GPC6: variants seen among roughly 807,000 people sequenced by gnomAD.
The protein encoded by GPC6 is glypican-6.
A neutral mutation model predicts 55.2 loss-of-function variants in GPC6; 14 were observed. The observed-to-expected ratio is 0.25, with a 90% CI of 0.17 to 0.40. GPC6 has a LOEUF of 0.40. GPC6 is among the 10% of genes least tolerant of loss of function. GPC6 has a pLI of 1.00. For synonymous variants in GPC6, 278 were observed against 259.6 expected, an observed-to-expected ratio of 1.07 and a Z score of -0.68; for missense variants, 641 against 708.5, an observed-to-expected ratio of 0.90 and a Z score of 1.08.
intron 4 of GPC6, among the ~76,000 whole-genome samples, chr13:94,156,773 AACAG>A (rs1482501930): frequency 6.6e-6 from 1 of 152,174 alleles, no homozygotes; most frequent in East Asian, 1.9e-4. Flanking sequence ...GTTGCTTTGG[AACAG>A]ACATAAAATA....
At chr13:93,690,208 A>G (rs112872092) in intron 2 of GPC6, among the ~76,000 whole-genome samples, 1,548 of 152,184 alleles carry the variant, frequency 0.01, 41 homozygotes, top group African/African-American at 0.035. Flanking sequence ...GCTGAAGTCA[A>G]TTTTTGATGT....
intron 2 of GPC6, among the ~76,000 whole-genome samples, chr13:93,614,279 A>G (rs775876182): frequency 2.6e-5 from 4 of 152,228 alleles, no homozygotes; most frequent in Non-Finnish European, 5.9e-5. Flanking sequence ...GTATTATACC[A>G]TCAGAGAAGA....
At chr13:93,276,443 A>C (rs554324898) in intron 1 of GPC6, among the ~76,000 whole-genome samples, 2 of 149,672 alleles carry the variant, frequency 1.3e-5, no homozygotes, top group African/African-American at 2.5e-5. Flanking sequence ...GAAATGGCAG[A>C]AGCTCTGGCC....
chr13:93,285,388 C>T (rs1161528367), intron 1 of GPC6, among the ~76,000 whole-genome samples: 1 of 152,042 alleles, frequency 6.6e-6, no homozygotes, highest in Non-Finnish European at 1.5e-5. Context: ...ATCTTTACTA[C>T]CATGCCATAT....
intron 1 of GPC6, among the ~76,000 whole-genome samples, chr13:93,366,849 TA>T (rs1383963992): frequency 6.6e-6 from 1 of 152,106 alleles, no homozygotes; most frequent in African/African-American, 2.4e-5. Context: ...TTATTTGTAA[TA>T]AAATCAGGTA....
chr13:93,893,074 T>TC (rs1407827148), intron 3 of GPC6, among the ~76,000 whole-genome samples: 2 of 151,954 alleles, frequency 1.3e-5, no homozygotes, highest in African/African-American at 4.8e-5. Context: ...TTTTTTTTTT[T>TC]TTGAGATGGA....
intron 2 of GPC6, among the ~76,000 whole-genome samples, chr13:93,614,041 A>T (rs968385265): frequency 7.9e-5 from 12 of 152,172 alleles, no homozygotes; most frequent in Admixed American, 7.9e-4. Flanking sequence ...AATGCTGTAA[A>T]GCTGTCAGTC....
At chr13:93,418,929 T>G (rs368883686) in intron 1 of GPC6, among the ~76,000 whole-genome samples, 12 of 151,334 alleles carry the variant, frequency 7.9e-5, no homozygotes, top group African/African-American at 2.2e-4. Context: ...TTAATAGCAC[T>G]ATACCATAGT....
At chr13:93,380,259 G>C (rs546408956) in intron 1 of GPC6, among the ~76,000 whole-genome samples, 1 of 152,166 alleles carries the variant, frequency 6.6e-6, no homozygotes, top group African/African-American at 2.4e-5. Context: ...GACCAATAAA[G>C]ACAGAATTTG....
intron 4 of GPC6, among the ~76,000 whole-genome samples, chr13:94,045,760 A>C (rs1883710160): frequency 1.3e-5 from 2 of 151,720 alleles, no homozygotes; most frequent in Admixed American, 1.3e-4. Flanking sequence ...AAAAAAAAAA[A>C]ATGCCCTACC....
At position 94,251,618 on chromosome 13, in the gene GPC6, G is replaced by A. The variant is rs34538424; in HGVS notation, c.878-34731G>A. On this transcript the variant is annotated intron_variant, in intron 4 of 8. Transcript: ENST00000377047. The stretch of plus-strand genomic sequence containing the variant: ...AGGACAAAGATTAATTAAGGGTGCC[G>A]TTGTCACGTCCTTTGTTACAACTTG... 4.2e-3 allele frequency among the ~76,000 whole-genome samples: 645 copies of A among 151,880 alleles called. 3 individuals carry two copies. Among genetic ancestry groups the A allele is most frequent in the Non-Finnish European group, 5.2e-3 (354 of 67,966 alleles).
chr13:93,800,528 A>C (rs1886336125), intron 2 of GPC6, among the ~76,000 whole-genome samples: 1 of 152,192 alleles, frequency 6.6e-6, no homozygotes, highest in Admixed American at 6.6e-5. Context: ...TCTTTAGAGC[A>C]GAGATTAGTG....
At chr13:93,763,618 C>G (rs1885020885) in intron 2 of GPC6, among the ~76,000 whole-genome samples, 1 of 152,218 alleles carries the variant, frequency 6.6e-6, no homozygotes, top group Admixed American at 6.5e-5. Flanking sequence ...GACAACTGTT[C>G]TTTCCAAACT....
chr13:93,646,001 A>C lies in GPC6; in HGVS notation c.319+100580A>C, dbSNP rs75358874. Among the ~76,000 whole-genome samples the C allele has an allele frequency of 5.8e-3, 876 of 152,282 alleles. 4 individuals are homozygous for C. Among genetic ancestry groups the C allele is most frequent in the Non-Finnish European group, 8.4e-3 (573 of 68,004 alleles). On this transcript the variant is annotated intron_variant, in intron 2 of 8. Coordinates refer to ENST00000377047, the MANE Select transcript of GPC6 (RefSeq NM_005708.5). ...GTACTGGGGAAATTATTTCTGTTAGAATGGTAGGCCCTTTAGAAATTTTAC... is the reference window on the plus strand; with the variant it reads ...GTACTGGGGAAATTATTTCTGTTAGCATGGTAGGCCCTTTAGAAATTTTAC...
At chr13:93,229,355 T>C (rs1433069498) in intron 1 of GPC6, among the ~76,000 whole-genome samples, 1 of 152,146 alleles carries the variant, frequency 6.6e-6, no homozygotes, top group African/African-American at 2.4e-5. Context: ...TTTCAAACGG[T>C]ATCTTTTAAG....
chr13:93,569,254 T>TA (rs1199920887), intron 2 of GPC6, among the ~76,000 whole-genome samples: 1 of 152,168 alleles, frequency 6.6e-6, no homozygotes, highest in African/African-American at 2.4e-5. Flanking sequence ...TAGTCAACAA[T>TA]AAAAAAGAGG....
chr13:93,919,279 T>C (rs906202911), intron 3 of GPC6, among the ~76,000 whole-genome samples: 1 of 152,182 alleles, frequency 6.6e-6, no homozygotes, highest in African/African-American at 2.4e-5. Context: ...TATTTCTTTA[T>C]AGCAGCACAA....
At chr13:93,378,292 C>G (rs905343929) in intron 1 of GPC6, among the ~76,000 whole-genome samples, 7 of 152,126 alleles carry the variant, frequency 4.6e-5, no homozygotes, top group Non-Finnish European at 1.0e-4. Flanking sequence ...GCACTAGCTC[C>G]AAACTGACAT....
intron 4 of GPC6, among the ~76,000 whole-genome samples, chr13:94,145,498 A>G (rs1387417595): frequency 1.3e-5 from 2 of 152,126 alleles, no homozygotes; most frequent in Non-Finnish European, 2.9e-5. Flanking sequence ...AACCAAAGAG[A>G]TTAACTGATT....
Sources: allele counts gnomAD v4.1 joint callset (sites outside exome capture counted in the v4.1 genomes callset), GRCh38; gene constraint gnomAD v4.1.1; transcripts MANE v1.5; gene names NCBI Gene and HGNC (gene_info 2026-07-23, HGNC 2026-07-21).